The following CNTNAP2 variants were observed in gnomAD, a reference collection of about 807,000 sequenced individuals.
CNTNAP2 encodes contactin associated protein 2, also known as contactin-associated protein-like 2.
A neutral mutation model predicts 155.2 loss-of-function variants in CNTNAP2; 98 were observed. That is an observed-to-expected ratio of 0.63 (90% CI 0.54 to 0.75). The LOEUF is 0.75. Ranked by LOEUF, CNTNAP2 falls within the 30% of genes least tolerant of loss-of-function variation. The probability of loss-of-function intolerance (pLI) is 0.00; values close to 1 mark genes in which losing one functional copy is unlikely to be tolerated. For missense variants in CNTNAP2, 1,727 were observed against 1,688.1 expected, an observed-to-expected ratio of 1.02 and a Z score of -0.40; for synonymous variants, 651 against 631.2, an observed-to-expected ratio of 1.03 and a Z score of -0.47.
rs1800039105 is a variant in CNTNAP2, at chr7:148,418,308, C to T, written c.*2692C>T. On this transcript the variant is annotated 3_prime_UTR_variant, in exon 24 of 24. Transcript: ENST00000361727. ...GCCTCCATAACCATGACATTCCCGC[C>T]CAAGCTCTCAGTGCCTAATCCTGCT... 6.6e-6 allele frequency: 1 copy of T among 152,186 alleles called. No homozygotes were observed. The highest frequency in any genetic ancestry group is 2.4e-5 in the African/African-American group (1 of 41,430). The allele number at this position is 152,186 out of a possible 1,614,324, so 9.4% of individuals were successfully genotyped here.
intron 15 of CNTNAP2, among the ~76,000 whole-genome samples, chr7:148,066,849 G>T (rs970841078): frequency 6.6e-6 from 1 of 152,044 alleles, no homozygotes; most frequent in Non-Finnish European, 1.5e-5. Flanking sequence ...CAAAAGCCTC[G>T]TCTTTGATCT....
chr7:146,391,586 A>G (rs1795544630), intron 1 of CNTNAP2, among the ~76,000 whole-genome samples: 1 of 152,198 alleles, frequency 6.6e-6, no homozygotes, highest in Non-Finnish European at 1.5e-5. Flanking sequence ...CTTATACATT[A>G]AGCATAAATC....
intron 1 of CNTNAP2, chr7:146,117,331 C>A (rs143464857): frequency 1.1e-3 from 238 of 221,374 alleles, no homozygotes; most frequent in African/African-American, 5.2e-3. Context: ...AAAGTGAAGA[C>A]CATGGCAAAA....
intron 1 of CNTNAP2, among the ~76,000 whole-genome samples, chr7:146,155,848 C>T (rs1798117621): frequency 1.3e-5 from 2 of 151,692 alleles, no homozygotes; most frequent in Admixed American, 1.3e-4. Flanking sequence ...TACAGGTGCC[C>T]ACCACCATGC....
intron 1 of CNTNAP2, among the ~76,000 whole-genome samples, chr7:146,665,635 G>T (rs1800176708): frequency 6.6e-6 from 1 of 151,354 alleles, no homozygotes; most frequent in South Asian, 2.1e-4. Flanking sequence ...TACAAAATTA[G>T]CCAAATGTGG....
chr7:147,350,404 T>C lies in CNTNAP2; in HGVS notation c.1499-45205T>C, dbSNP rs1795948810. ...AATACCCCTCTAAGCGAATCATGAT[T>C]ATTGACAAGTTTACTTTTATACACT... On this transcript the variant is annotated intron_variant, in intron 9 of 23. Coordinates refer to ENST00000361727, the MANE Select transcript of CNTNAP2 (RefSeq NM_014141.6). Among the ~76,000 whole-genome samples the C allele has an allele frequency of 2.0e-5, 3 of 151,924 alleles. No homozygotes were observed. The South Asian group carries it at 6.2e-4, about 31-fold the overall frequency.
rs761609675 is a variant in CNTNAP2, at chr7:147,491,187, G to A, written c.1777+5146G>A. Reference sequence around the variant, plus strand: ...GTTCACCTGGCTTGCCAGGTCCTACGTAATATGGCCATGTCTTTAACCTGA... The same window carrying A: ...GTTCACCTGGCTTGCCAGGTCCTACATAATATGGCCATGTCTTTAACCTGA... On this transcript the variant is annotated intron_variant, in intron 11 of 23. Transcript: ENST00000361727. Among the ~76,000 whole-genome samples the A allele has an allele frequency of 5.9e-5, 9 of 152,102 alleles. No homozygotes were observed. In the East Asian group the frequency reaches 9.7e-4, roughly 16 times the overall value.
chr7:146,901,726 G>A (rs1796005877), intron 3 of CNTNAP2, among the ~76,000 whole-genome samples: 1 of 152,092 alleles, frequency 6.6e-6, no homozygotes, highest in Non-Finnish European at 1.5e-5. Context: ...TGTATTAGAT[G>A]GCTGGGGAAA....
At chr7:146,323,365 A>G (rs1044221773) in intron 1 of CNTNAP2, among the ~76,000 whole-genome samples, 6 of 152,030 alleles carry the variant, frequency 3.9e-5, no homozygotes, top group African/African-American at 1.4e-4. Flanking sequence ...TCTCGGTGTT[A>G]TGCAATATCT....
intron 9 of CNTNAP2, among the ~76,000 whole-genome samples, chr7:147,317,896 C>T (rs1411720214): frequency 6.6e-6 from 1 of 151,228 alleles, no homozygotes; most frequent in Non-Finnish European, 1.5e-5. Context: ...TCTTAACTTT[C>T]TGCTTTCTAC....
chr7:146,614,498 TTTGG>T (rs1170576239), intron 1 of CNTNAP2, among the ~76,000 whole-genome samples: 1 of 152,178 alleles, frequency 6.6e-6, no homozygotes, highest in Non-Finnish European at 1.5e-5. Flanking sequence ...AATATGATTC[TTTGG>T]TTATGAGCAT....
chr7:146,651,982 A>G (rs938862054), intron 1 of CNTNAP2, among the ~76,000 whole-genome samples: 2 of 152,132 alleles, frequency 1.3e-5, no homozygotes, highest in Non-Finnish European at 2.9e-5. Flanking sequence ...AAAAGCATAA[A>G]TGGTGGGAAG....
intron 1 of CNTNAP2, among the ~76,000 whole-genome samples, chr7:146,224,588 A>T (rs1799261501): frequency 3.5e-5 from 1 of 28,906 alleles, no homozygotes; most frequent in African/African-American, 1.3e-4. Context: ...TCTACAAAAA[A>T]TACAAAAAAA....
At chr7:146,329,483 TA>T (rs2129094234) in intron 1 of CNTNAP2, among the ~76,000 whole-genome samples, 1 of 152,318 alleles carries the variant, frequency 6.6e-6, no homozygotes, top group East Asian at 1.9e-4. Context: ...ACTCATTTTT[TA>T]AAAATATATT....
At chr7:146,293,605 A>G (rs1163990698) in intron 1 of CNTNAP2, among the ~76,000 whole-genome samples, 3 of 152,162 alleles carry the variant, frequency 2.0e-5, no homozygotes, top group African/African-American at 4.8e-5. Context: ...CTTAGGAGAC[A>G]GTAACTTTGA....
chr7:146,186,532 A>C (rs1798626889), intron 1 of CNTNAP2, among the ~76,000 whole-genome samples: 1 of 152,192 alleles, frequency 6.6e-6, no homozygotes, highest in African/African-American at 2.4e-5. Context: ...ACTTTCTTCC[A>C]GTTTCATATC....
At position 147,473,484 on chromosome 7, in the gene CNTNAP2, C is replaced by T. The variant is rs576327797; in HGVS notation, c.1671-12451C>T. Among the ~76,000 whole-genome samples, 4 of 151,526 alleles carry T rather than the reference C, an allele frequency of 2.6e-5. No individual in the cohort carries two copies. In the East Asian group the frequency reaches 5.8e-4, roughly 22 times the overall value. ...CTCTGTTCTGGTTGTGTAATTGTGTCGAGGGTCCAATTACCTTCCTGAATT... is the reference window on the plus strand; with the variant it reads ...CTCTGTTCTGGTTGTGTAATTGTGTTGAGGGTCCAATTACCTTCCTGAATT... On this transcript the variant is annotated intron_variant, in intron 10 of 23. Transcript: ENST00000361727.
chr7:146,779,960 C>T (rs1328102239), intron 2 of CNTNAP2, among the ~76,000 whole-genome samples: 1 of 152,134 alleles, frequency 6.6e-6, no homozygotes, highest in Non-Finnish European at 1.5e-5. Flanking sequence ...TCAAAGAGAA[C>T]CACAGTCCTT....
At chr7:146,356,527 G>A (rs1487852116) in intron 1 of CNTNAP2, among the ~76,000 whole-genome samples, 1 of 152,114 alleles carries the variant, frequency 6.6e-6, no homozygotes, top group African/African-American at 2.4e-5. Flanking sequence ...GAACAAGACA[G>A]TGTAAGACAG....
Sources: gnomAD v4.1 joint callset for allele counts (sites outside exome capture counted in the v4.1 genomes callset) on GRCh38, gnomAD v4.1.1 for gene constraint, MANE v1.5 for transcripts, NCBI Gene and HGNC (gene_info 2026-07-23, HGNC 2026-07-21) for gene names.